The following GRIK2 variants were observed in gnomAD, a reference collection of about 807,000 sequenced individuals.
GRIK2 encodes the protein glutamate receptor ionotropic, kainate 2.
A neutral mutation model predicts 100.3 loss-of-function variants in GRIK2; 32 were observed. That is an observed-to-expected ratio of 0.32 (90% confidence interval 0.24 to 0.43). The LOEUF (loss-of-function observed/expected upper bound fraction) is 0.43. Among genes scored for constraint, GRIK2 ranks in the 20% least tolerant of loss-of-function variants. The pLI is 1.00. For missense variants in GRIK2, 843 were observed against 1,114.9 expected (o/e 0.76, Z 3.47); for synonymous variants, 417 against 389.4 (o/e 1.07, Z -0.83).
intron 2 of GRIK2, among the ~76,000 whole-genome samples, chr6:101,600,755 G>A (rs1234665081): frequency 6.6e-6 from 1 of 151,678 alleles, no homozygotes; most frequent in Non-Finnish European, 1.5e-5. Flanking sequence ...TTTGTAATTG[G>A]TTTTGTATCC....
intron 15 of GRIK2, among the ~76,000 whole-genome samples, chr6:102,043,238 G>T (rs973004691): frequency 6.6e-6 from 1 of 150,942 alleles, no homozygotes; most frequent in Admixed American, 6.6e-5. Context: ...AATAAGGAAT[G>T]ATTAAACTAA....
chr6:101,450,477 C>T lies in GRIK2; in HGVS notation c.115+51085C>T, dbSNP rs377590194. Among the ~76,000 whole-genome samples the T allele has an allele frequency of 1.1e-4, 16 of 151,722 alleles. No homozygotes were observed. In the South Asian group the frequency reaches 3.1e-3, roughly 30 times the overall value. On this transcript the variant is annotated intron_variant, in intron 2 of 16. Transcript: ENST00000369134. Reference sequence around the variant, plus strand: ...CAGAAATTTGGAAGTCTCAAGACCTCCTCAAGGATGTGATTCTGTACCAGG... The same window carrying T: ...CAGAAATTTGGAAGTCTCAAGACCTTCTCAAGGATGTGATTCTGTACCAGG...
chr6:101,671,821 G>A (rs1189939680), intron 4 of GRIK2, among the ~76,000 whole-genome samples: 6 of 152,068 alleles, frequency 3.9e-5, no homozygotes, highest in Non-Finnish European at 5.9e-5. Context: ...CCAAGATCGC[G>A]CAATTGCACT....
intron 7 of GRIK2, among the ~76,000 whole-genome samples, chr6:101,722,322 A>C (rs986117759): frequency 6.6e-6 from 1 of 152,002 alleles, no homozygotes; most frequent in Admixed American, 6.6e-5. Flanking sequence ...AACAACAAAA[A>C]AATTTCTGTA....
At chr6:101,583,627 A>AT (rs770605591) in intron 2 of GRIK2, among the ~76,000 whole-genome samples, 34 of 152,178 alleles carry the variant, frequency 2.2e-4, no homozygotes, top group East Asian at 1.5e-3. Context: ...AAAACCTATG[A>AT]TTTTTTTGTT....
At chr6:101,714,200 T>G (rs904468105) in intron 7 of GRIK2, among the ~76,000 whole-genome samples, 4 of 151,746 alleles carry the variant, frequency 2.6e-5, no homozygotes, top group Non-Finnish European at 4.4e-5. Flanking sequence ...TTCTTTTTTT[T>G]GTCAGGAGAA....
intron 7 of GRIK2, among the ~76,000 whole-genome samples, chr6:101,780,773 A>G (rs1391045536): frequency 2.0e-5 from 3 of 152,186 alleles, no homozygotes; most frequent in Non-Finnish European, 4.4e-5. Flanking sequence ...AGATAAATCA[A>G]TCTCTAAATT....
chr6:101,984,682 T>C (rs945161351), intron 14 of GRIK2, among the ~76,000 whole-genome samples: 3 of 147,498 alleles, frequency 2.0e-5, no homozygotes, highest in Admixed American at 6.9e-5. Flanking sequence ...GCATCTTTTC[T>C]GTAAAGGAAG....
intron 4 of GRIK2, among the ~76,000 whole-genome samples, chr6:101,651,539 GA>G (rs553202507): frequency 1.3e-5 from 2 of 152,150 alleles, no homozygotes; most frequent in Non-Finnish European, 2.9e-5. Flanking sequence ...AAGTGCAACA[GA>G]AAAAAATAGA....
chr6:101,529,195 A>C (rs1215917257), intron 2 of GRIK2, among the ~76,000 whole-genome samples: 1 of 152,122 alleles, frequency 6.6e-6, no homozygotes, highest in Non-Finnish European at 1.5e-5. Flanking sequence ...AAAACTCAAA[A>C]TATAGTTTAC....
At chr6:101,920,619 T>C (rs1335786177) in intron 12 of GRIK2, among the ~76,000 whole-genome samples, 1 of 151,818 alleles carries the variant, frequency 6.6e-6, no homozygotes, top group East Asian at 1.9e-4. Flanking sequence ...ATGGTAGTAC[T>C]GGGTAGTATT....
intron 2 of GRIK2, among the ~76,000 whole-genome samples, chr6:101,465,334 T>C (rs953754943): frequency 2.1e-4 from 32 of 152,186 alleles, no homozygotes; most frequent in Admixed American, 2.1e-3. Flanking sequence ...TGTATATATA[T>C]CATTTAGCTC....
At chr6:101,709,480 C>A (rs938230885) in intron 7 of GRIK2, among the ~76,000 whole-genome samples, 5 of 151,730 alleles carry the variant, frequency 3.3e-5, no homozygotes, top group Admixed American at 2.0e-4. Context: ...ACAAAGATAC[C>A]TAATACATTT....
At chr6:101,572,830 A>G (rs1197983871) in intron 2 of GRIK2, among the ~76,000 whole-genome samples, 2 of 82,196 alleles carry the variant, frequency 2.4e-5, no homozygotes, top group African/African-American at 9.0e-5. Flanking sequence ...TTATTTATTT[A>G]TTTATTTATT....
chr6:101,522,041 G>A (rs529475551), intron 2 of GRIK2, among the ~76,000 whole-genome samples: 4 of 152,108 alleles, frequency 2.6e-5, no homozygotes, highest in East Asian at 1.9e-4. Context: ...TTCTCCTTAA[G>A]TTGCATAACT....
At chr6:101,980,054 A>G (rs1025250586) in intron 14 of GRIK2, among the ~76,000 whole-genome samples, 9 of 151,808 alleles carry the variant, frequency 5.9e-5, no homozygotes, top group African/African-American at 2.2e-4. Flanking sequence ...GACATTTAAC[A>G]TTTTTTCGAA....
At chr6:101,659,959 T>A (rs1769490602) in intron 4 of GRIK2, among the ~76,000 whole-genome samples, 1 of 152,250 alleles carries the variant, frequency 6.6e-6, no homozygotes, top group Non-Finnish European at 1.5e-5. Flanking sequence ...TTGGGGTTGC[T>A]CTTCTCGAAG....
chr6:101,571,482 T>C lies in GRIK2; in HGVS notation c.116-50467T>C, dbSNP rs200704890. Among the ~76,000 whole-genome samples, 4 of 152,308 alleles carry C rather than the reference T, an allele frequency of 2.6e-5. No homozygotes were observed. The East Asian group carries it at 7.7e-4, about 29-fold the overall frequency. On this transcript the variant is annotated intron_variant, in intron 2 of 16. Coordinates refer to ENST00000369134, the MANE Select transcript of GRIK2 (RefSeq NM_021956.5). ...ATGTGTTTTTAATTCATATTTAGTTTATCTTTTCACTGATGAGTTTGCATT... is the reference window on the plus strand; with the variant it reads ...ATGTGTTTTTAATTCATATTTAGTTCATCTTTTCACTGATGAGTTTGCATT...
At chr6:101,936,063 ATCT>A (rs1790597372) in intron 14 of GRIK2, among the ~76,000 whole-genome samples, 1 of 151,964 alleles carries the variant, frequency 6.6e-6, no homozygotes, top group South Asian at 2.1e-4. Context: ...TTTATAGATA[ATCT>A]TTTTTTTTTC....
Sources: allele counts gnomAD v4.1 joint callset (sites outside exome capture counted in the v4.1 genomes callset), GRCh38; gene constraint gnomAD v4.1.1; transcripts MANE v1.5; gene names NCBI Gene and HGNC (gene_info 2026-07-23, HGNC 2026-07-21).